The following VPS13A variants were observed in gnomAD, a reference collection of about 807,000 sequenced individuals.
The protein encoded by VPS13A is vacuolar protein sorting 13 homolog A, also known as intermembrane lipid transfer protein VPS13A.
Under a neutral mutation model 390.9 loss-of-function variants are expected in VPS13A, and 264 were observed. The observed-to-expected ratio is 0.68, with a 90% CI of 0.61 to 0.75. The LOEUF is 0.75. Among genes scored for constraint, VPS13A ranks in the 30% least tolerant of loss-of-function variants. The pLI, the probability that VPS13A is intolerant of heterozygous loss-of-function variation, is 0.00. For synonymous variants in VPS13A, 1,231 were observed against 1,227.1 expected, an observed-to-expected ratio of 1.00 and a Z score of -0.07; for missense variants, 3,409 against 3,733.9, an observed-to-expected ratio of 0.91 and a Z score of 2.27.
intron 59 of VPS13A, among the ~76,000 whole-genome samples, chr9:77,364,442 C>T (rs532333713): frequency 6.6e-6 from 1 of 150,822 alleles, no homozygotes; most frequent in African/African-American, 2.4e-5. Context: ...AACAAACAAA[C>T]AAAAAAAAAC....
chr9:77,263,627 T>C (rs1316141380), intron 23 of VPS13A, among the ~76,000 whole-genome samples: 1 of 152,202 alleles, frequency 6.6e-6, no homozygotes. Context: ...TTCAGTTCTT[T>C]GTAGATTCTG....
chr9:77,359,418 C>A lies in VPS13A; in HGVS notation c.8105+16C>A. ...CACGTATTAAGTAAGTGTCTTAATA[C>A]ATTTCTTGTATATTTATTTAATGTT... On this transcript the variant is annotated intron_variant, in intron 58 of 71. Coordinates refer to ENST00000360280, the MANE Select transcript of VPS13A (RefSeq NM_033305.3). 1 of 1,588,430 alleles carries A rather than the reference C, an allele frequency of 6.3e-7. No individual in the cohort carries two copies.
At chr9:77,331,064 T>C (rs567151035) in intron 45 of VPS13A, among the ~76,000 whole-genome samples, 1 of 152,250 alleles carries the variant, frequency 6.6e-6, no homozygotes, top group East Asian at 1.9e-4. Flanking sequence ...ATTTTAATGA[T>C]GTTACATGAT....
At chr9:77,398,991 G>A (rs1490414473) in intron 68 of VPS13A, among the ~76,000 whole-genome samples, 3 of 118,030 alleles carry the variant, frequency 2.5e-5, no homozygotes, top group East Asian at 5.0e-4. Context: ...CACAGGAAGG[G>A]GAATATCACA....
Position 77,276,045 on chromosome 9 carries a change from C to CTTTTATGTAGTGGTAA in VPS13A, c.2668-16_2668-15insATGTAGTGGTAATTTT. 6.2e-7 allele frequency: 1 copy of CTTTTATGTAGTGGTAA among 1,608,364 alleles called. No individual in the cohort carries two copies. Among genetic ancestry groups the CTTTTATGTAGTGGTAA allele is most frequent in the South Asian group, 1.1e-5 (1 of 91,020 alleles). ...TTTTTGTTTTATGTAGTGGTAATTT[C>CTTTTATGTAGTGGTAA]TTTTTTCTTTCTTCTCCAGGTTTTG... On this transcript the variant is annotated intron_variant, in intron 25 of 71. Coordinates refer to ENST00000360280, the MANE Select transcript of VPS13A (RefSeq NM_033305.3).
At chr9:77,411,251 A>G (rs1195383332) in intron 71 of VPS13A, among the ~76,000 whole-genome samples, 5 of 152,328 alleles carry the variant, frequency 3.3e-5, no homozygotes, top group Admixed American at 6.5e-5. Flanking sequence ...GAGAACAAAG[A>G]CACAACATAG....
At chr9:77,372,850 C>T (rs1563970125) in intron 67 of VPS13A, among the ~76,000 whole-genome samples, 1 of 152,078 alleles carries the variant, frequency 6.6e-6, no homozygotes, top group Non-Finnish European at 1.5e-5. Context: ...AACAGACAAA[C>T]AGAGAGCCAA....
At chr9:77,332,702 A>G in intron 46 of VPS13A, among the ~76,000 whole-genome samples, 1 of 152,310 alleles carries the variant, frequency 6.6e-6, no homozygotes, top group South Asian at 2.1e-4. Context: ...ATTAGTCAAG[A>G]TATGTAATCT....
intron 52 of VPS13A, among the ~76,000 whole-genome samples, chr9:77,349,049 A>G (rs966295596): frequency 1.5e-4 from 23 of 152,088 alleles, no homozygotes; most frequent in African/African-American, 5.6e-4. Flanking sequence ...TTAAAAAAAT[A>G]TGGATGTTAT....
chr9:77,246,300 CACTT>C (rs149928129), intron 19 of VPS13A, among the ~76,000 whole-genome samples: 2,147 of 152,242 alleles, frequency 0.014, 49 homozygotes, highest in African/African-American at 0.049. Context: ...TGGCACTTGA[CACTT>C]GCTCAATGTC....
At chr9:77,406,118 C>T in intron 70 of VPS13A, 131 bp downstream of exon 70, 1 of 1,215,934 alleles carries the variant, frequency 8.2e-7, no homozygotes, top group Non-Finnish European at 1.2e-6. Flanking sequence ...TTCCCTTATA[C>T]CTGCTATCTT....
intron 54 of VPS13A, 77 bp from the exon 55 acceptor site, chr9:77,356,637 A>T (rs1275861560): frequency 1.4e-6 from 2 of 1,467,490 alleles, no homozygotes; most frequent in African/African-American, 2.8e-5. Context: ...AGGTATTGTA[A>T]TTCATGTAAT....
At position 77,401,329 on chromosome 9, in the gene VPS13A, T is replaced by TTGTGTGTGTG. The variant is rs4012461; in HGVS notation, c.9190-1871_9190-1862dup. ...ACCACCATCTTGGGATCACATGAAG[T>TTGTGTGTGTG]TGTGTGTGTGTGTGTGTGTGTGTGT... On this transcript the variant is annotated intron_variant, in intron 68 of 71. Transcript: ENST00000360280. Among the ~76,000 whole-genome samples, 885 of 140,496 alleles carry TTGTGTGTGTG rather than the reference T, an allele frequency of 6.3e-3. 4 individuals are homozygous for TTGTGTGTGTG. Among genetic ancestry groups the TTGTGTGTGTG allele is most frequent in the Non-Finnish European group, 9.2e-3 (592 of 64,616 alleles). The allele number at this position is 140,496 out of a possible 152,430, so 92.2% of individuals were successfully genotyped here.
In VPS13A at chr9:77,276,151, G is replaced by A; in HGVS notation, c.2754G>A (p.Glu918=). Reference sequence around the variant, plus strand: ...TTTTAGGATTGGGTGCAGAAATTGAGATTAGAACATACGATTTGAAAGCAA... The same window carrying A: ...TTTTAGGATTGGGTGCAGAAATTGAAATTAGAACATACGATTTGAAAGCAA... ...ILVLGLGAEI[E]IRTYDLKANA... The change falls in exon 26 of 72, where the codon GAG becomes GAA. Residue 918 remains glutamate, a synonymous_variant. Coordinates refer to ENST00000360280, the MANE Select transcript of VPS13A (RefSeq NM_033305.3). 1.2e-6 allele frequency: 2 copies of A among 1,612,330 alleles called. No homozygotes were observed. The highest frequency in any genetic ancestry group is 1.7e-6 in the Non-Finnish European group (2 of 1,179,132).
At chr9:77,384,512 C>A (rs1833597503) in intron 68 of VPS13A, 1 of 1,588,214 alleles carries the variant, frequency 6.3e-7, no homozygotes, top group Non-Finnish European at 8.6e-7. Flanking sequence ...ATTTCATAAT[C>A]TTACATGTTT....
intron 54 of VPS13A, among the ~76,000 whole-genome samples, chr9:77,356,351 G>A (rs1831779198): frequency 6.6e-6 from 1 of 152,092 alleles, no homozygotes; most frequent in Non-Finnish European, 1.5e-5. Context: ...ACATATTGCA[G>A]TTCTCCGGAT....
At position 77,369,505 on chromosome 9, in the gene VPS13A, A is replaced by G. The variant is rs937018947; in HGVS notation, c.8667+93A>G. 1.1e-5 allele frequency: 10 copies of G among 904,962 alleles called. No homozygotes were observed. In the Admixed American group the frequency reaches 1.6e-4, roughly 15 times the overall value. 56.1% of individuals were successfully genotyped at this position (904,962 alleles called of 1,614,324 possible). On this transcript the variant is annotated intron_variant, in intron 63 of 71. Coordinates refer to ENST00000360280, the MANE Select transcript of VPS13A (RefSeq NM_033305.3). ...TTGTTAAGTTGAGTTAATAAGTGCAAACAGATTTTGGAACACACACAAAAG... is the reference window on the plus strand; with the variant it reads ...TTGTTAAGTTGAGTTAATAAGTGCAGACAGATTTTGGAACACACACAAAAG...
intron 10 of VPS13A, among the ~76,000 whole-genome samples, chr9:77,217,176 A>G (rs918583373): frequency 6.6e-5 from 10 of 152,218 alleles, no homozygotes; most frequent in Non-Finnish European, 1.3e-4. Context: ...GGAGTGAGAG[A>G]GTGAAATGAC....
In VPS13A at chr9:77,409,325, T is replaced by C. The variant is rs1020822665; in HGVS notation, c.9474+1718T>C. Among the ~76,000 whole-genome samples the C allele has an allele frequency of 7.2e-5, 11 of 151,910 alleles. No homozygotes were observed. In the East Asian group the frequency reaches 2.1e-3, roughly 29 times the overall value. On this transcript the variant is annotated intron_variant, in intron 71 of 71. Coordinates refer to ENST00000360280, the MANE Select transcript of VPS13A (RefSeq NM_033305.3). Reference sequence around the variant, plus strand: ...CATCACCATCATCAAAGACCAAAGGTAGATAAAACCACAAAGATGGGGAAA... The same window carrying C: ...CATCACCATCATCAAAGACCAAAGGCAGATAAAACCACAAAGATGGGGAAA...
Sources: gnomAD v4.1 joint callset for allele counts (sites outside exome capture counted in the v4.1 genomes callset) on GRCh38, gnomAD v4.1.1 for gene constraint, MANE v1.5 for transcripts, NCBI Gene and HGNC (gene_info 2026-07-23, HGNC 2026-07-21) for gene names.